The following SLC24A3 variants were observed in gnomAD, a reference collection of about 807,000 sequenced individuals.
The protein encoded by SLC24A3 is solute carrier family 24 member 3.
In SLC24A3, 28 loss-of-function variants were observed where a neutral mutation model predicts 75.8. That is an observed-to-expected ratio of 0.37 (90% confidence interval 0.27 to 0.51). The LOEUF (loss-of-function observed/expected upper bound fraction) is 0.51, where lower values mean the gene tolerates loss of function less well. SLC24A3 is among the 20% of genes least tolerant of loss of function. SLC24A3 has a pLI of 0.94. For missense variants in SLC24A3, 663 were observed against 847.8 expected (o/e 0.78, Z 2.71); for synonymous variants, 372 against 334.1 (o/e 1.11, Z -1.24).
chr20:19,662,764 A>G (rs1399237158), intron 7 of SLC24A3, among the ~76,000 whole-genome samples: 1 of 152,260 alleles, frequency 6.6e-6, no homozygotes, highest in Non-Finnish European at 1.5e-5. Context: ...TCTTAAATGT[A>G]TTGAATAACA....
intron 7 of SLC24A3, among the ~76,000 whole-genome samples, chr20:19,665,392 A>G (rs1397662050): frequency 6.6e-6 from 1 of 152,230 alleles, no homozygotes; most frequent in Non-Finnish European, 1.5e-5. Flanking sequence ...ATTAAAAGAA[A>G]AAATTGAGCC....
At chr20:19,599,122 A>C (rs887135332) in intron 6 of SLC24A3, among the ~76,000 whole-genome samples, 1 of 152,176 alleles carries the variant, frequency 6.6e-6, no homozygotes, top group Non-Finnish European at 1.5e-5. Flanking sequence ...TAGAGCCCAG[A>C]GAGGGAGGTT....
At chr20:19,235,237 T>G (rs1268507858) in intron 1 of SLC24A3, among the ~76,000 whole-genome samples, 1 of 152,138 alleles carries the variant, frequency 6.6e-6, no homozygotes. Flanking sequence ...ACTGCCTTTT[T>G]CAAATGTGCA....
At chr20:19,214,171 G>T (rs1981488555) in intron 1 of SLC24A3, among the ~76,000 whole-genome samples, 1 of 152,140 alleles carries the variant, frequency 6.6e-6, no homozygotes, top group South Asian at 2.1e-4. Flanking sequence ...TTCAGTCTTA[G>T]CAGACCGCTT....
intron 3 of SLC24A3, among the ~76,000 whole-genome samples, chr20:19,565,144 T>C (rs1271915889): frequency 6.6e-6 from 1 of 152,206 alleles, no homozygotes. Flanking sequence ...TAGGTGTCCC[T>C]CCTCTGTGGG....
chr20:19,530,910 C>T (rs1184959964), intron 3 of SLC24A3, among the ~76,000 whole-genome samples: 2 of 152,168 alleles, frequency 1.3e-5, no homozygotes, highest in African/African-American at 4.8e-5. Flanking sequence ...TAGACAGAGT[C>T]ACCTGACCAG....
At chr20:19,493,836 G>A (rs998433984) in intron 2 of SLC24A3, among the ~76,000 whole-genome samples, 1 of 152,172 alleles carries the variant, frequency 6.6e-6, no homozygotes, top group Non-Finnish European at 1.5e-5. Context: ...CTGCAATGAG[G>A]CAGACTTTCT....
intron 2 of SLC24A3, among the ~76,000 whole-genome samples, chr20:19,483,131 G>A (rs892829820): frequency 6.6e-6 from 1 of 152,158 alleles, no homozygotes; most frequent in African/African-American, 2.4e-5. Flanking sequence ...CTAAGGCCAG[G>A]CACATCAGGG....
At chr20:19,224,512 G>T (rs1290460179) in intron 1 of SLC24A3, among the ~76,000 whole-genome samples, 1 of 152,106 alleles carries the variant, frequency 6.6e-6, no homozygotes, top group African/African-American at 2.4e-5. Flanking sequence ...CTGGATAAAG[G>T]CCATGCATGG....
intron 2 of SLC24A3, among the ~76,000 whole-genome samples, chr20:19,463,625 C>T (rs889177466): frequency 2.5e-4 from 38 of 150,918 alleles, no homozygotes; most frequent in African/African-American, 7.6e-4. Flanking sequence ...TGGGCTAGCC[C>T]GGACTCAAGG....
At chr20:19,286,919 T>G (rs1211772081) in intron 2 of SLC24A3, among the ~76,000 whole-genome samples, 1 of 152,252 alleles carries the variant, frequency 6.6e-6, no homozygotes, top group Non-Finnish European at 1.5e-5. Context: ...TGTACATTAT[T>G]TCACTAGCTT....
chr20:19,479,093 A>T (rs1368044687), intron 2 of SLC24A3, among the ~76,000 whole-genome samples: 4 of 152,248 alleles, frequency 2.6e-5, no homozygotes, highest in Non-Finnish European at 5.9e-5. Context: ...TAACAGGCCC[A>T]TGCCATGCTC....
At chr20:19,240,183 G>T (rs1363681768) in intron 1 of SLC24A3, among the ~76,000 whole-genome samples, 1 of 152,180 alleles carries the variant, frequency 6.6e-6, no homozygotes, top group African/African-American at 2.4e-5. Context: ...ATGACTGCCA[G>T]TGGGGCTTCA....
chr20:19,337,762 G>C (rs1985169422), intron 2 of SLC24A3, among the ~76,000 whole-genome samples: 1 of 152,202 alleles, frequency 6.6e-6, no homozygotes, highest in Admixed American at 6.5e-5. Flanking sequence ...AGGATCAGCT[G>C]GTGGTTGCTG....
At chr20:19,284,070 A>G (rs1983740518) in intron 2 of SLC24A3, 1 of 152,870 alleles carries the variant, frequency 6.5e-6, no homozygotes, top group Non-Finnish European at 1.5e-5. Flanking sequence ...TCTCTGCTGC[A>G]TTGACTATTT....
intron 2 of SLC24A3, among the ~76,000 whole-genome samples, chr20:19,388,352 A>C (rs1036353533): frequency 1.3e-5 from 2 of 152,188 alleles, no homozygotes; most frequent in Non-Finnish European, 2.9e-5. Context: ...CTTTATCATT[A>C]TATAATGACC....
intron 3 of SLC24A3, among the ~76,000 whole-genome samples, chr20:19,577,383 G>A (rs903939345): frequency 6.6e-6 from 1 of 152,078 alleles, no homozygotes; most frequent in Admixed American, 6.6e-5. Context: ...AAGCCCATTG[G>A]CAAATAATTT....
At chr20:19,491,410 C>T (rs932867324) in intron 2 of SLC24A3, among the ~76,000 whole-genome samples, 21 of 152,190 alleles carry the variant, frequency 1.4e-4, no homozygotes, top group Non-Finnish European at 7.3e-5. Context: ...CTGCTGTGTT[C>T]CTGAGTTGGT....
At position 19,237,162 on chromosome 20, in the gene SLC24A3, G is replaced by A. The variant is rs532758049; in HGVS notation, c.142+24178G>A. ...TGAGTTTAGAGACCCTCTAGGTTTC[G>A]GGAGCTGCAGATGTTCATCCATTTT... On this transcript the variant is annotated intron_variant, in intron 1 of 16. Transcript: ENST00000328041. Among the ~76,000 whole-genome samples the A allele has an allele frequency of 2.6e-5, 4 of 152,268 alleles. No homozygotes were observed. In the South Asian group the frequency reaches 6.2e-4, roughly 24 times the overall value.
Sources: gnomAD v4.1 joint callset for allele counts (sites outside exome capture counted in the v4.1 genomes callset) on GRCh38, gnomAD v4.1.1 for gene constraint, MANE v1.5 for transcripts, NCBI Gene and HGNC (gene_info 2026-07-23, HGNC 2026-07-21) for gene names.